RBFOX1: variants seen among roughly 807,000 people sequenced by gnomAD.
RBFOX1 encodes the protein RNA binding fox-1 homolog 1.
RBFOX1 carries 8 observed loss-of-function variants against 57.7 expected under a neutral mutation model. That is an observed-to-expected ratio of 0.14 (90% CI 0.08 to 0.25). RBFOX1 has a LOEUF of 0.25. Among genes scored for constraint, RBFOX1 ranks in the 10% least tolerant of loss-of-function variants. RBFOX1 has a pLI of 1.00. For missense variants in RBFOX1, 611 were observed against 548.5 expected (o/e 1.11, Z -1.14); for synonymous variants, 326 against 222.4 (o/e 1.47, Z -4.15).
At chr16:5,873,775 C>T (rs780285876) in intron 4 of RBFOX1, among the ~76,000 whole-genome samples, 1 of 152,100 alleles carries the variant, frequency 6.6e-6, no homozygotes, top group Non-Finnish European at 1.5e-5. Context: ...AGTTCTGGAT[C>T]TCGGTTAAAA....
At chr16:5,894,459 G>C (rs986383198) in intron 4 of RBFOX1, among the ~76,000 whole-genome samples, 2 of 151,920 alleles carry the variant, frequency 1.3e-5, no homozygotes, top group Non-Finnish European at 2.9e-5. Flanking sequence ...ATTTTTAGTA[G>C]AGATAGGGTT....
chr16:5,502,903 C>G lies in RBFOX1; in HGVS notation c.258+35649C>G, dbSNP rs114203939. On this transcript the variant is annotated intron_variant, in intron 2 of 2. Transcript: ENST00000585867. The stretch of plus-strand genomic sequence containing the variant: ...TGATTGAGATCTTGAACAATACAGT[C>G]CCTAGAAAGATGGACTCCCCCTGCA... 7.5e-3 allele frequency among the ~76,000 whole-genome samples: 1,142 copies of G among 152,290 alleles called. 10 individuals carry two copies. The highest frequency in any genetic ancestry group is 0.02 in the African/African-American group (849 of 41,546).
intron 1 of RBFOX1, among the ~76,000 whole-genome samples, chr16:6,056,159 C>G (rs373076631): frequency 1.3e-5 from 2 of 152,120 alleles, no homozygotes; most frequent in Non-Finnish European, 2.9e-5. Context: ...TTTGTGTCAG[C>G]TCCCCAAGGT....
intron 2 of RBFOX1, among the ~76,000 whole-genome samples, chr16:5,504,960 G>A (rs1056650227): frequency 5.9e-5 from 9 of 152,160 alleles, no homozygotes; most frequent in African/African-American, 2.2e-4. Context: ...TAGGGGCTGG[G>A]GACGATGGGT....
At chr16:7,105,205 C>T (rs1465644725) in intron 4 of RBFOX1, among the ~76,000 whole-genome samples, 2 of 151,758 alleles carry the variant, frequency 1.3e-5, no homozygotes, top group Admixed American at 1.3e-4. Context: ...TGGCAGTAGT[C>T]TATGGAGATT....
At chr16:6,592,962 G>A (rs1321930536) in intron 2 of RBFOX1, among the ~76,000 whole-genome samples, 1 of 152,176 alleles carries the variant, frequency 6.6e-6, no homozygotes, top group Non-Finnish European at 1.5e-5. Context: ...GGAGGCTGAG[G>A]CAAGCGGATC....
chr16:5,898,109 C>CTTCA (rs2058211791), intron 4 of RBFOX1, among the ~76,000 whole-genome samples: 1 of 152,108 alleles, frequency 6.6e-6, no homozygotes, highest in African/African-American at 2.4e-5. Context: ...ACCTGTCCTT[C>CTTCA]TTCACATGAT....
At chr16:7,346,603 ACAT>A (rs888088767) in intron 4 of RBFOX1, among the ~76,000 whole-genome samples, 3 of 151,798 alleles carry the variant, frequency 2.0e-5, no homozygotes, top group African/African-American at 7.3e-5. Context: ...CGTTGCTGAC[ACAT>A]CATGGTGTGT....
intron 3 of RBFOX1, among the ~76,000 whole-genome samples, chr16:6,953,459 C>T (rs1004492130): frequency 5.3e-5 from 8 of 152,044 alleles, no homozygotes; most frequent in Non-Finnish European, 1.0e-4. Flanking sequence ...AGTCTCAGCT[C>T]ACCGCAACCT....
chr16:7,007,764 C>G (rs529288499), intron 3 of RBFOX1, among the ~76,000 whole-genome samples: 5 of 152,272 alleles, frequency 3.3e-5, no homozygotes, highest in African/African-American at 1.2e-4. Flanking sequence ...ACATGCAGGT[C>G]CTTAGAAACT....
intron 3 of RBFOX1, among the ~76,000 whole-genome samples, chr16:5,799,202 A>G (rs1379947673): frequency 1.3e-5 from 2 of 151,968 alleles, no homozygotes; most frequent in Admixed American, 1.3e-4. Flanking sequence ...AAACCATCAG[A>G]TCTCGTGAGA....
intron 3 of RBFOX1, among the ~76,000 whole-genome samples, chr16:6,945,813 C>T (rs938989255): frequency 2.6e-5 from 4 of 152,168 alleles, no homozygotes; most frequent in African/African-American, 4.8e-5. Context: ...ATCGCCTGAA[C>T]CCAGGAGGCG....
chr16:5,527,121 T>C (rs1741014610), intron 2 of RBFOX1, among the ~76,000 whole-genome samples: 1 of 152,174 alleles, frequency 6.6e-6, no homozygotes, highest in Non-Finnish European at 1.5e-5. Flanking sequence ...TGGCGACATA[T>C]TGGAAAGGCT....
At chr16:6,739,275 G>C (rs1187698191) in intron 3 of RBFOX1, among the ~76,000 whole-genome samples, 2 of 151,700 alleles carry the variant, frequency 1.3e-5, no homozygotes, top group Middle Eastern at 6.4e-3. Context: ...CCCATATCAG[G>C]AGAGAAGGTG....
At chr16:5,443,767 T>C (rs918375636) in intron 1 of RBFOX1, among the ~76,000 whole-genome samples, 5 of 152,218 alleles carry the variant, frequency 3.3e-5, no homozygotes, top group Non-Finnish European at 7.3e-5. Context: ...ATCTTAAGGA[T>C]TATCTTGCAA....
chr16:6,740,433 A>T (rs2071706120), intron 3 of RBFOX1, among the ~76,000 whole-genome samples: 1 of 152,212 alleles, frequency 6.6e-6, no homozygotes, highest in African/African-American at 2.4e-5. Flanking sequence ...CATACAGATT[A>T]AAATAAAGAA....
intron 3 of RBFOX1, among the ~76,000 whole-genome samples, chr16:5,779,303 A>G (rs938775136): frequency 2.0e-5 from 3 of 152,206 alleles, no homozygotes; most frequent in African/African-American, 7.2e-5. Flanking sequence ...AAAAGTTAAG[A>G]TGCATACAGT....
At chr16:7,319,479 G>A (rs1214488816) in intron 4 of RBFOX1, among the ~76,000 whole-genome samples, 8 of 152,202 alleles carry the variant, frequency 5.3e-5, no homozygotes, top group Non-Finnish European at 8.8e-5. Flanking sequence ...TCAGGTCAGT[G>A]TTTGTATGTC....
At chr16:7,680,018 C>G (rs914405146) in intron 14 of RBFOX1, among the ~76,000 whole-genome samples, 2 of 152,142 alleles carry the variant, frequency 1.3e-5, no homozygotes, top group East Asian at 1.9e-4. Flanking sequence ...TCTGAACTTT[C>G]AAAGGAGAGC....
Sources: allele counts gnomAD v4.1 joint callset (sites outside exome capture counted in the v4.1 genomes callset), GRCh38; gene constraint gnomAD v4.1.1; transcripts MANE v1.5; gene names NCBI Gene and HGNC (gene_info 2026-07-23, HGNC 2026-07-21).